The following OR1L6 variants were observed in gnomAD, a reference collection of about 807,000 sequenced individuals.
OR1L6 encodes olfactory receptor family 1 subfamily L member 6, also known as olfactory receptor 1L6.
OR1L6 carries 2 observed loss-of-function variants against 3.0 expected under a neutral mutation model. The observed-to-expected ratio is 0.68, with a 90% CI of 0.28 to 2.13. The LOEUF (loss-of-function observed/expected upper bound fraction) is 2.13. OR1L6 is among the 30% of genes most tolerant of loss of function. The pLI is 0.14. For missense variants in OR1L6, 304 were observed against 378.4 expected, an observed-to-expected ratio of 0.80 and a Z score of 1.63; for synonymous variants, 121 against 148.4, an observed-to-expected ratio of 0.82 and a Z score of 1.34.
chr9:122,748,107 T>C (rs1035145258), intron 1 of OR1L6, among the ~76,000 whole-genome samples: 8 of 152,166 alleles, frequency 5.3e-5, no homozygotes, highest in Non-Finnish European at 1.2e-4. Flanking sequence ...GTGACATCTT[T>C]GGACCAAACG....
chr9:122,750,242 A>C lies in OR1L6; in HGVS notation c.395A>C (p.His132Pro), dbSNP rs149775185. The C allele has an allele frequency of 3.8e-5, 61 of 1,613,736 alleles. No homozygotes were observed. Among genetic ancestry groups the C allele is most frequent in the Non-Finnish European group, 4.8e-5 (57 of 1,179,978 alleles). The stretch of plus-strand genomic sequence containing the variant: ...CTGGTGGCCATCTGCAACCCCTTAC[A>C]CTATGATGTGGTTATGAAACCACGG... ...DRLVAICNPL[H>P]YDVVMKPRHC... is the part of the protein sequence containing the mutation. The change falls in exon 2 of 2, where the codon CAC becomes CCC. Residue 132 changes from histidine to proline, a missense_variant. Coordinates refer to ENST00000304720, the MANE Select transcript of OR1L6 (RefSeq NM_001004453.3).
chr9:122,742,749 C>G (rs1446538944), intron 1 of OR1L6, among the ~76,000 whole-genome samples: 1 of 152,196 alleles, frequency 6.6e-6, no homozygotes, highest in Non-Finnish European at 1.5e-5. Flanking sequence ...TTAGGCAAGT[C>G]ACTTCAGTTC....
Position 122,745,426 on chromosome 9 carries a change from TA to T in OR1L6, c.-14+3054del, listed in dbSNP as rs66494361. ...AACACACCTTTTTTTTTTTTTTTTT[TA>T]TTTGAGATGGAGTCTCGGTCTGTCG... On this transcript the variant is annotated intron_variant, in intron 1 of 1. Transcript: ENST00000304720. Among the ~76,000 whole-genome samples, 51 of 141,546 alleles carry T rather than the reference TA, an allele frequency of 3.6e-4. 8 individuals carry two copies. Among genetic ancestry groups the T allele is most frequent in the African/African-American group, 1.0e-3 (38 of 37,826 alleles). 92.9% of individuals were successfully genotyped at this position (141,546 alleles called of 152,430 possible).
chr9:122,745,692 G>A lies in OR1L6; in HGVS notation c.-14+3319G>A, dbSNP rs529329462. Among the ~76,000 whole-genome samples, 209 of 151,816 alleles carry A rather than the reference G, an allele frequency of 1.4e-3. 3 individuals carry two copies. Among genetic ancestry groups the A allele is most frequent in the Admixed American group, 7.2e-4 (11 of 15,242 alleles). ...CTCCCAAAGTGCTGGGATTACAGGCGTAAACCACCGCACCCAGCCAAACAC... is the reference window on the plus strand; with the variant it reads ...CTCCCAAAGTGCTGGGATTACAGGCATAAACCACCGCACCCAGCCAAACAC... On this transcript the variant is annotated intron_variant, in intron 1 of 1. Transcript: ENST00000304720.
At chr9:122,746,222 C>G (rs756415071) in intron 1 of OR1L6, among the ~76,000 whole-genome samples, 39 of 152,210 alleles carry the variant, frequency 2.6e-4, no homozygotes, top group Non-Finnish European at 5.3e-4. Flanking sequence ...CTACCACTTA[C>G]TCCCTGCGGG....
At chr9:122,743,886 A>G (rs1383175387) in intron 1 of OR1L6, among the ~76,000 whole-genome samples, 1 of 152,196 alleles carries the variant, frequency 6.6e-6, no homozygotes, top group Non-Finnish European at 1.5e-5. Flanking sequence ...GGCTGAAGGC[A>G]CTTGGCAATA....
intron 1 of OR1L6, among the ~76,000 whole-genome samples, chr9:122,748,319 A>G (rs1290608487): frequency 6.6e-6 from 1 of 152,056 alleles, no homozygotes; most frequent in Admixed American, 6.6e-5. Context: ...AGGACCCTGA[A>G]TGAAAGGGTG....
In OR1L6 at chr9:122,750,329, T is replaced by A. The variant is rs1375660075; in HGVS notation, c.482T>A (p.Val161Glu). ...TCCCACCTACATTCCCTGTTCCGCGTGCTACTTATGTCTCGCTTGTCTTTC... is the reference window on the plus strand; with the variant it reads ...TCCCACCTACATTCCCTGTTCCGCGAGCTACTTATGTCTCGCTTGTCTTTC... ...SISHLHSLFRVLLMSRLSFCA... is the reference protein window; with the variant it reads ...SISHLHSLFRELLMSRLSFCA... The change falls in exon 2 of 2, where the codon GTG becomes GAG. Residue 161 changes from valine to glutamate, a missense_variant. Coordinates refer to ENST00000304720, the MANE Select transcript of OR1L6 (RefSeq NM_001004453.3). 1 of 1,613,930 alleles carries A rather than the reference T, an allele frequency of 6.2e-7. No homozygotes were observed. The highest frequency in any genetic ancestry group is 8.5e-7 in the Non-Finnish European group (1 of 1,179,930).
chr9:122,750,326 G>A lies in OR1L6; in HGVS notation c.479G>A (p.Arg160His), dbSNP rs373816853. ...CSISHLHSLFRVLLMSRLSFC... is the reference protein window; with the variant it reads ...CSISHLHSLFHVLLMSRLSFC... ...ATCTCCCACCTACATTCCCTGTTCC[G>A]CGTGCTACTTATGTCTCGCTTGTCT... Residue 160 changes from arginine to histidine, a missense_variant, in exon 2 of 2, where the codon CGC (arginine) becomes CAC (histidine). Physicochemically the swap from Arg to His is conservative, Grantham distance 29. Around this residue, in one of 3 missense-constraint regions of OR1L6, gnomAD observed 192 missense variants for 242.7 expected, o/e 0.79. Transcript: ENST00000304720. 72 of 1,613,534 alleles carry A rather than the reference G, an allele frequency of 4.5e-5. No homozygotes were observed. Among genetic ancestry groups the A allele is most frequent in the Admixed American group, 2.7e-4 (16 of 59,942 alleles).
intron 1 of OR1L6, among the ~76,000 whole-genome samples, chr9:122,746,229 C>T (rs915537590): frequency 1.3e-5 from 2 of 152,146 alleles, no homozygotes; most frequent in East Asian, 1.9e-4. Flanking sequence ...TTACTCCCTG[C>T]GGGATCTGGT....
At chr9:122,747,324 C>T (rs956628237) in intron 1 of OR1L6, among the ~76,000 whole-genome samples, 1 of 151,776 alleles carries the variant, frequency 6.6e-6, no homozygotes, top group Admixed American at 6.6e-5. Flanking sequence ...CTGTTTGTGC[C>T]ATTATCTTGT....
At chr9:122,745,503 C>T (rs1462991654) in intron 1 of OR1L6, among the ~76,000 whole-genome samples, 2 of 146,906 alleles carry the variant, frequency 1.4e-5, no homozygotes, top group African/African-American at 5.0e-5. Flanking sequence ...AGCTCCGCCT[C>T]CCAGGTTCAA....
chr9:122,743,722 A>C (rs1828809863), intron 1 of OR1L6, among the ~76,000 whole-genome samples: 1 of 152,230 alleles, frequency 6.6e-6, no homozygotes, highest in Admixed American at 6.5e-5. Flanking sequence ...CTGTAGTCCT[A>C]AGTCATAGCC....
chr9:122,747,687 G>A (rs559179175), intron 1 of OR1L6, among the ~76,000 whole-genome samples: 1 of 151,650 alleles, frequency 6.6e-6, no homozygotes, highest in Non-Finnish European at 1.5e-5. Flanking sequence ...CAATTGAAAT[G>A]TTTTCCAAAT....
chr9:122,746,635 A>G (rs1414056874), intron 1 of OR1L6, among the ~76,000 whole-genome samples: 1 of 152,222 alleles, frequency 6.6e-6, no homozygotes, highest in African/African-American at 2.4e-5. Context: ...AAGTAAAATT[A>G]TTGGACAAAG....
chr9:122,749,711 GA>G (rs144621497), intron 1 of OR1L6, 123 bp from the exon 2 acceptor site: 299 of 835,360 alleles, frequency 3.6e-4, no homozygotes, highest in East Asian at 8.4e-4. Flanking sequence ...CCGTCTCAAA[GA>G]AAAAAAAAAC....
intron 1 of OR1L6, among the ~76,000 whole-genome samples, chr9:122,744,334 T>C (rs974122578): frequency 6.6e-6 from 1 of 152,074 alleles, no homozygotes; most frequent in African/African-American, 2.4e-5. Flanking sequence ...TCATTTGGGC[T>C]GTCAGTGCAT....
rs377073162 is a variant in OR1L6 at position 122,750,265 on chromosome 9, C to T, written c.418C>T (p.Arg140Trp). 2.3e-4 allele frequency: 364 copies of T among 1,613,824 alleles called. 1 individual carries two copies. The highest frequency in any genetic ancestry group is 1.4e-3 in the South Asian group (131 of 91,014). The stretch of plus-strand genomic sequence containing the variant: ...ACACTATGATGTGGTTATGAAACCA[C>T]GGCATTGCCTGCTCATGCTATTGGG... ...PLHYDVVMKP[R>W]HCLLMLLGSC... is the part of the protein sequence containing the mutation. The change falls in exon 2 of 2, where the codon CGG becomes TGG. Residue 140 changes from arginine (R) to tryptophan (W), a missense_variant. Physicochemically the swap from Arg to Trp is moderately radical, Grantham distance 101. Coordinates refer to ENST00000304720, the MANE Select transcript of OR1L6 (RefSeq NM_001004453.3).
intron 1 of OR1L6, among the ~76,000 whole-genome samples, chr9:122,744,670 C>G (rs1828817698): frequency 6.6e-6 from 1 of 152,108 alleles, no homozygotes; most frequent in African/African-American, 2.4e-5. Context: ...ATGGCAAGAC[C>G]CATCATTAAA....
Sources: gnomAD v4.1 joint callset for allele counts (sites outside exome capture counted in the v4.1 genomes callset) on GRCh38, gnomAD v4.1.1 for gene constraint, gnomAD v4.1.1 regional missense constraint, MANE v1.5 for transcripts, NCBI Gene and HGNC (gene_info 2026-07-23, HGNC 2026-07-21) for gene names.